SLC8A1: variants seen among roughly 807,000 people sequenced by gnomAD.
SLC8A1 encodes solute carrier family 8 member A1.
SLC8A1 carries 18 observed loss-of-function variants against 68.3 expected under a neutral mutation model. The observed-to-expected ratio is 0.26, with a 90% confidence interval of 0.18 to 0.39. The LOEUF is 0.39. Among genes scored for constraint, SLC8A1 ranks in the 10% least tolerant of loss-of-function variants. SLC8A1 has a pLI of 1.00. For synonymous variants in SLC8A1, 475 were observed against 415.5 expected, an observed-to-expected ratio of 1.14 and a Z score of -1.74; for missense variants, 985 against 1,156.7, an observed-to-expected ratio of 0.85 and a Z score of 2.15.
chr2:40,103,724 C>T (rs1046593376), exon 8 of SLC8A1: 1 of 152,138 alleles, frequency 6.6e-6, no homozygotes, highest in African/African-American at 2.4e-5. Context: ...TTCTACTGTA[C>T]ACTTCTTGAA....
intron 2 of SLC8A1, among the ~76,000 whole-genome samples, chr2:40,191,301 T>A (rs2148649338): frequency 6.6e-6 from 1 of 152,308 alleles, no homozygotes; most frequent in South Asian, 2.1e-4. Context: ...TACTTGAATG[T>A]TTAAATCTTT....
intron 1 of SLC8A1, among the ~76,000 whole-genome samples, chr2:40,466,038 T>C (rs1438210440): frequency 1.3e-5 from 2 of 152,162 alleles, no homozygotes; most frequent in African/African-American, 4.8e-5. Flanking sequence ...AGCACCTTGA[T>C]TGTGGACTTT....
chr2:40,300,446 T>C (rs1357671828), intron 2 of SLC8A1, among the ~76,000 whole-genome samples: 1 of 150,828 alleles, frequency 6.6e-6, no homozygotes, highest in Non-Finnish European at 1.5e-5. Context: ...TTCCATTCCA[T>C]AAAAAAAAAG....
rs565195161 is a variant in SLC8A1, at chr2:40,299,612, G to T, written c.1809-121757C>A. The stretch of plus-strand genomic sequence containing the variant: ...ATGTGCAAACATTTGGACTTGTAAG[G>T]GTGATGATCCAGGAATCTGGGGACT... On this transcript the variant is annotated intron_variant, in intron 2 of 7. Coordinates refer to ENST00000406785, the Ensembl canonical transcript of SLC8A1. 2.0e-5 allele frequency among the ~76,000 whole-genome samples: 3 copies of T among 152,246 alleles called. No individual in the cohort carries two copies. The South Asian group carries it at 6.2e-4, about 32-fold the overall frequency.
intron 2 of SLC8A1, among the ~76,000 whole-genome samples, chr2:40,200,223 TTTATATATATATATAAATA>T (rs1558722511): frequency 5.7e-4 from 1 of 1,746 alleles, no homozygotes; most frequent in East Asian, 2.9e-3. Context: ...TATATATTTT[TTTATATATATATATAAATA>T]TATATATATA....
chr2:40,206,898 T>C (rs956880650), intron 2 of SLC8A1, among the ~76,000 whole-genome samples: 4 of 152,066 alleles, frequency 2.6e-5, no homozygotes, highest in Non-Finnish European at 5.9e-5. Context: ...TAAATGATCA[T>C]AATGGCACAA....
chr2:40,313,613 G>C (rs759507669), intron 2 of SLC8A1, among the ~76,000 whole-genome samples: 2 of 151,830 alleles, frequency 1.3e-5, no homozygotes, highest in East Asian at 1.9e-4. Context: ...ATATTGCCCA[G>C]ACTGGTCTTG....
chr2:40,144,214 AAAAG>A (rs772497577), intron 6 of SLC8A1, among the ~76,000 whole-genome samples: 18 of 152,192 alleles, frequency 1.2e-4, no homozygotes, highest in Admixed American at 2.0e-4. Flanking sequence ...TGCTTTTAAG[AAAAG>A]AAAGAAACAG....
chr2:40,423,301 T>A (rs1447140144), intron 2 of SLC8A1, among the ~76,000 whole-genome samples: 1 of 152,104 alleles, frequency 6.6e-6, no homozygotes, highest in Non-Finnish European at 1.5e-5. Flanking sequence ...AAATATTTTA[T>A]CTAAAATCAA....
intron 2 of SLC8A1, among the ~76,000 whole-genome samples, chr2:40,361,524 C>T (rs993306164): frequency 6.6e-6 from 1 of 150,616 alleles, no homozygotes; most frequent in Non-Finnish European, 1.5e-5. Flanking sequence ...AGAACATGTT[C>T]AGTATCTGGC....
intron 2 of SLC8A1, among the ~76,000 whole-genome samples, chr2:40,186,614 G>A (rs2050749806): frequency 6.6e-6 from 1 of 152,130 alleles, no homozygotes; most frequent in Non-Finnish European, 1.5e-5. Context: ...TGGGGGGATA[G>A]TCATAAAAAC....
intron 2 of SLC8A1, among the ~76,000 whole-genome samples, chr2:40,340,458 G>A (rs569496844): frequency 5.9e-5 from 9 of 152,216 alleles, no homozygotes; most frequent in Non-Finnish European, 1.2e-4. Flanking sequence ...CTACTCAGGA[G>A]GCTGAGGCAG....
At chr2:40,262,349 A>G (rs2064826549) in intron 2 of SLC8A1, among the ~76,000 whole-genome samples, 1 of 152,348 alleles carries the variant, frequency 6.6e-6, no homozygotes, top group South Asian at 2.1e-4. Context: ...CTTTAAACCA[A>G]TGCTTTCCAT....
At chr2:40,411,090 G>A (rs1004183971) in intron 2 of SLC8A1, among the ~76,000 whole-genome samples, 4 of 151,916 alleles carry the variant, frequency 2.6e-5, no homozygotes, top group East Asian at 1.9e-4. Flanking sequence ...ACTTTCATAC[G>A]AAATAAATGA....
At chr2:40,400,545 G>A (rs918761522) in intron 2 of SLC8A1, among the ~76,000 whole-genome samples, 4 of 152,178 alleles carry the variant, frequency 2.6e-5, no homozygotes, top group Non-Finnish European at 5.9e-5. Context: ...CTGAGTCAAA[G>A]TCCTTTGTAA....
At chr2:40,376,804 G>C (rs1680037705) in intron 2 of SLC8A1, among the ~76,000 whole-genome samples, 1 of 151,956 alleles carries the variant, frequency 6.6e-6, no homozygotes, top group South Asian at 2.1e-4. Flanking sequence ...AGGAGGAGTA[G>C]GGCTTATAAA....
intron 2 of SLC8A1, among the ~76,000 whole-genome samples, chr2:40,410,824 A>G (rs995598817): frequency 2.0e-5 from 3 of 152,054 alleles, no homozygotes; most frequent in African/African-American, 7.2e-5. Context: ...ATCTTGTGAT[A>G]CTTACCATAG....
At chr2:40,247,456 GGAGA>G (rs796077257) in intron 2 of SLC8A1, among the ~76,000 whole-genome samples, 13 of 111,576 alleles carry the variant, frequency 1.2e-4, no homozygotes, top group African/African-American at 1.6e-4. Flanking sequence ...GTGTGTGTGT[GGAGA>G]GAGAGAGACA....
intron 2 of SLC8A1, among the ~76,000 whole-genome samples, chr2:40,264,163 C>G (rs28824894): frequency 0.48 from 72,175 of 150,232 alleles, 19,305 homozygotes; most frequent in Non-Finnish European, 0.63. Flanking sequence ...CCATCTCACA[C>G]CAGTTAGAAT....
Sources: allele counts gnomAD v4.1 joint callset (sites outside exome capture counted in the v4.1 genomes callset), GRCh38; gene constraint gnomAD v4.1.1; transcripts MANE v1.5; gene names NCBI Gene and HGNC (gene_info 2026-07-23, HGNC 2026-07-21).